KDM4C: variants seen among roughly 807,000 people sequenced by gnomAD.
KDM4C encodes the protein lysine-specific demethylase 4C.
Under a neutral mutation model 129.3 loss-of-function variants are expected in KDM4C, and 81 were observed. That is an observed-to-expected ratio of 0.63 (90% CI 0.52 to 0.75). The LOEUF (loss-of-function observed/expected upper bound fraction) is 0.75, where lower values mean the gene tolerates loss of function less well. Among genes scored for constraint, KDM4C ranks in the 30% least tolerant of loss-of-function variants. The pLI, the probability that KDM4C is intolerant of heterozygous loss-of-function variation, is 0.00. For synonymous variants in KDM4C, 573 were observed against 456.1 expected, an observed-to-expected ratio of 1.26 and a Z score of -3.26; for missense variants, 1,457 against 1,304.0, an observed-to-expected ratio of 1.12 and a Z score of -1.81.
At position 6,805,583 on chromosome 9, in the gene KDM4C, A is replaced by C. The variant is rs1249391290; in HGVS notation, c.145-16A>C. ...TATTTTCAAGATGATATTTTATTTC[A>C]TTATTTTATTTTTAGGTGATTCCTC... On this transcript the variant is annotated splice_polypyrimidine_tract_variant and intron_variant, in intron 2 of 21. Transcript: ENST00000381309. 9.6e-6 allele frequency: 15 copies of C among 1,569,744 alleles called. No homozygotes were observed. Among genetic ancestry groups the C allele is most frequent in the Non-Finnish European group, 1.3e-5 (15 of 1,154,120 alleles).
At chr9:6,772,320 T>C (rs1822021167) in intron 1 of KDM4C, among the ~76,000 whole-genome samples, 1 of 151,840 alleles carries the variant, frequency 6.6e-6, no homozygotes, top group South Asian at 2.1e-4. Context: ...TGGCTAATTT[T>C]TGTATTTTAG....
intron 8 of KDM4C, among the ~76,000 whole-genome samples, chr9:6,940,708 T>G (rs1825787569): frequency 6.6e-6 from 1 of 152,216 alleles, no homozygotes; most frequent in Non-Finnish European, 1.5e-5. Context: ...TTGAACCGAA[T>G]ATTCATTTTT....
chr9:7,169,962 C>G (rs1426997239), intron 21 of KDM4C, 72 bp downstream of exon 21: 1 of 1,605,778 alleles, frequency 6.2e-7, no homozygotes, highest in East Asian at 2.3e-5. Flanking sequence ...TTTCCCAAGC[C>G]CAGCAGGAAA....
At chr9:7,069,802 T>C (rs1564076580) in intron 17 of KDM4C, among the ~76,000 whole-genome samples, 1 of 152,144 alleles carries the variant, frequency 6.6e-6, no homozygotes, top group Non-Finnish European at 1.5e-5. Flanking sequence ...TGTATTGTGG[T>C]TTATAGGACA....
intron 1 of KDM4C, among the ~76,000 whole-genome samples, chr9:6,725,185 G>A (rs1042536419): frequency 6.6e-6 from 1 of 152,036 alleles, no homozygotes; most frequent in South Asian, 2.1e-4. Flanking sequence ...GATCGAGGCC[G>A]AGGCCACTGT....
intron 8 of KDM4C, among the ~76,000 whole-genome samples, chr9:6,973,381 C>G (rs989923809): frequency 6.6e-6 from 1 of 152,146 alleles, no homozygotes; most frequent in Non-Finnish European, 1.5e-5. Flanking sequence ...ATCAAATAGA[C>G]TAAAAGCATT....
intron 4 of KDM4C, 60 bp from the exon 5 acceptor site, chr9:6,849,447 G>C: frequency 7.4e-7 from 1 of 1,349,092 alleles, no homozygotes; most frequent in African/African-American, 1.5e-5. Flanking sequence ...ATTAGTAAAT[G>C]CTATCTTTCA....
At chr9:6,738,065 C>T (rs188553872) in intron 1 of KDM4C, among the ~76,000 whole-genome samples, 1 of 151,902 alleles carries the variant, frequency 6.6e-6, no homozygotes, top group Non-Finnish European at 1.5e-5. Context: ...ACCCGGGAGG[C>T]AGAGGTTGCA....
rs2132166702 is a variant in KDM4C at position 7,014,012 on chromosome 9, C to G, written c.2182+11C>G. 1 of 1,597,200 alleles carries G rather than the reference C, an allele frequency of 6.3e-7. No homozygotes were observed. Among genetic ancestry groups the G allele is most frequent in the Non-Finnish European group, 8.6e-7 (1 of 1,169,094 alleles). On this transcript the variant is annotated intron_variant, in intron 14 of 21. Coordinates refer to ENST00000381309, the MANE Select transcript of KDM4C (RefSeq NM_015061.6). ...TACGGGTTCATGCAAGTAAATGGATCTATAATTCATCAATCACTGGCTTTT... is the reference window on the plus strand; with the variant it reads ...TACGGGTTCATGCAAGTAAATGGATGTATAATTCATCAATCACTGGCTTTT...
chr9:6,732,691 G>A (rs779091658), intron 1 of KDM4C, among the ~76,000 whole-genome samples: 1 of 152,100 alleles, frequency 6.6e-6, no homozygotes, highest in Non-Finnish European at 1.5e-5. Flanking sequence ...GCCCTCTATT[G>A]TAAAATGGCA....
intron 18 of KDM4C, among the ~76,000 whole-genome samples, chr9:7,105,167 A>T (rs1457061010): frequency 6.6e-6 from 1 of 152,220 alleles, no homozygotes; most frequent in Non-Finnish European, 1.5e-5. Context: ...ACCTTACATG[A>T]CTGTGGTGCC....
chr9:6,954,024 C>A (rs968561895), intron 8 of KDM4C, among the ~76,000 whole-genome samples: 3 of 152,170 alleles, frequency 2.0e-5, no homozygotes, highest in Non-Finnish European at 4.4e-5. Context: ...GCAAACCTTG[C>A]GCATAGGACT....
At chr9:6,923,344 C>T (rs1821898764) in intron 8 of KDM4C, among the ~76,000 whole-genome samples, 1 of 151,990 alleles carries the variant, frequency 6.6e-6, no homozygotes, top group African/African-American at 2.4e-5. Flanking sequence ...TTTGTAGTTG[C>T]AGTTTCCGTT....
chr9:6,805,431 A>T (rs537493993), intron 2 of KDM4C, among the ~76,000 whole-genome samples, 168 bp from the exon 3 acceptor site: 1 of 152,010 alleles, frequency 6.6e-6, no homozygotes, highest in Admixed American at 6.6e-5. Context: ...TTGCTATTGA[A>T]TAACATCATA....
chr9:6,738,582 G>T (rs1487812576), intron 1 of KDM4C, among the ~76,000 whole-genome samples: 1 of 151,992 alleles, frequency 6.6e-6, no homozygotes, highest in Non-Finnish European at 1.5e-5. Flanking sequence ...ACCACAGGTG[G>T]GCACCACCAC....
At chr9:6,791,778 T>A (rs896942622) in intron 1 of KDM4C, among the ~76,000 whole-genome samples, 7 of 152,082 alleles carry the variant, frequency 4.6e-5, no homozygotes, top group African/African-American at 1.7e-4. Context: ...ATCCCAGCAC[T>A]TTGGGAGGCC....
intron 14 of KDM4C, 40 bp downstream of exon 14, chr9:7,014,041 C>A: frequency 6.6e-7 from 1 of 1,507,084 alleles, no homozygotes; most frequent in Non-Finnish European, 9.1e-7. Context: ...GGCTTTTCAG[C>A]ATTTCACATC....
At chr9:7,055,204 G>A (rs1830707442) in intron 17 of KDM4C, among the ~76,000 whole-genome samples, 1 of 152,150 alleles carries the variant, frequency 6.6e-6, no homozygotes, top group Non-Finnish European at 1.5e-5. Context: ...AAAAAATTTG[G>A]CATTGTTCAT....
At chr9:7,129,271 AG>A (rs1840359881) in intron 19 of KDM4C, among the ~76,000 whole-genome samples, 1 of 152,260 alleles carries the variant, frequency 6.6e-6, no homozygotes, top group Non-Finnish European at 1.5e-5. Flanking sequence ...TTTGGTCTCC[AG>A]GTGTTGAAGA....
Sources: gnomAD v4.1 joint callset for allele counts (sites outside exome capture counted in the v4.1 genomes callset) on GRCh38, gnomAD v4.1.1 for gene constraint, MANE v1.5 for transcripts, NCBI Gene and HGNC (gene_info 2026-07-23, HGNC 2026-07-21) for gene names.